FOXP2: variants seen among roughly 807,000 people sequenced by gnomAD.
FOXP2 encodes forkhead box protein P2.
A neutral mutation model predicts 115.8 loss-of-function variants in FOXP2; 12 were observed. The observed-to-expected ratio is 0.10, with a 90% CI of 0.07 to 0.17. FOXP2 has a LOEUF of 0.17. FOXP2 is among the 10% of genes least tolerant of loss of function. The probability of loss-of-function intolerance (pLI) is 1.00; values close to 1 mark genes in which losing one functional copy is unlikely to be tolerated. For synonymous variants in FOXP2, 328 were observed against 297.7 expected (o/e 1.10, Z -1.05); for missense variants, 629 against 843.5 (o/e 0.75, Z 3.15).
chr7:114,297,183 C>T lies in FOXP2; in HGVS notation c.-11+9074C>T, dbSNP rs752970246. On this transcript the variant is annotated intron_variant, in intron 2 of 17. Transcript: ENST00000634411. ...CTCAGCTCCTCCTGCTTCCTCTTGG[C>T]GTGGATGTGTCCCCACCCTTTTCTC... The T allele has an allele frequency of 2.7e-4, 132 of 494,476 alleles. 1 individual carries two copies. The highest frequency in any genetic ancestry group is 5.0e-4 in the Middle Eastern group (1 of 1,982). 30.6% of individuals were successfully genotyped at this position (494,476 alleles called of 1,614,324 possible). A position where few individuals can be genotyped will look rare whatever the true frequency, so the allele number is the denominator to read the frequency against.
intron 1 of FOXP2, among the ~76,000 whole-genome samples, chr7:114,116,323 G>A (rs370229694): frequency 2.0e-5 from 3 of 152,116 alleles, no homozygotes; most frequent in African/African-American, 4.8e-5. Context: ...TAAGAAAACT[G>A]CCATAATTTC....
intron 1 of FOXP2, among the ~76,000 whole-genome samples, chr7:114,237,723 C>G (rs891658565): frequency 6.6e-6 from 1 of 151,862 alleles, no homozygotes; most frequent in African/African-American, 2.4e-5. Flanking sequence ...CCTCTAATCT[C>G]AGCACTTTGG....
chr7:114,408,963 A>G (rs951260507), intron 2 of FOXP2, among the ~76,000 whole-genome samples: 2 of 152,016 alleles, frequency 1.3e-5, no homozygotes, highest in South Asian at 2.1e-4. Flanking sequence ...CTGTAATTCT[A>G]TAGAGTTCTA....
intron 2 of FOXP2, among the ~76,000 whole-genome samples, chr7:114,397,353 G>A (rs1238879460): frequency 6.6e-6 from 1 of 152,064 alleles, no homozygotes; most frequent in Non-Finnish European, 1.5e-5. Context: ...AGACAGATAT[G>A]TTTCCTGTTT....
intron 2 of FOXP2, among the ~76,000 whole-genome samples, chr7:114,525,478 G>A (rs908608032): frequency 2.0e-5 from 3 of 152,188 alleles, no homozygotes; most frequent in African/African-American, 4.8e-5. Flanking sequence ...ATCAGTGTAT[G>A]TGGAAGCACA....
rs867487677 is a variant in FOXP2 at position 114,503,552 on chromosome 7, A to G, written c.169-31065A>G. On this transcript the variant is annotated intron_variant, in intron 2 of 16. Coordinates refer to ENST00000350908, the MANE Select transcript of FOXP2 (RefSeq NM_014491.4). ...TATCAACATCAAGGATACATTTATT[A>G]TATCTAATTTTATATTTCATTCTTG... is the stretch of plus-strand genomic sequence containing the variant. 5.3e-5 allele frequency among the ~76,000 whole-genome samples: 8 copies of G among 151,212 alleles called. No homozygotes were observed. In the Middle Eastern group the frequency reaches 0.014, roughly 257 times the overall value.
chr7:114,101,980 A>G (rs1790980155), intron 1 of FOXP2, among the ~76,000 whole-genome samples: 1 of 149,264 alleles, frequency 6.7e-6, no homozygotes, highest in Non-Finnish European at 1.5e-5. Context: ...GTTTCATCTC[A>G]GTTATCTGAT....
chr7:114,256,106 CT>C (rs373197185), intron 1 of FOXP2, among the ~76,000 whole-genome samples: 1 of 151,168 alleles, frequency 6.6e-6, no homozygotes, highest in Non-Finnish European at 1.5e-5. Flanking sequence ...GAGATAGTGT[CT>C]TTTTTTTTGT....
intron 3 of FOXP2, among the ~76,000 whole-genome samples, chr7:114,543,784 C>T (rs1799795718): frequency 6.6e-6 from 1 of 152,170 alleles, no homozygotes; most frequent in South Asian, 2.1e-4. Flanking sequence ...TCCATAACAT[C>T]TGTGAATTTT....
chr7:114,645,131 TA>T (rs1805810634), intron 8 of FOXP2: 1 of 3,594 alleles, frequency 2.8e-4, no homozygotes, highest in Non-Finnish European at 5.3e-4. Context: ...GTCATCCTAA[TA>T]TATATATATA....
chr7:114,231,176 T>C (rs1191313383), intron 1 of FOXP2, among the ~76,000 whole-genome samples: 1 of 151,996 alleles, frequency 6.6e-6, no homozygotes, highest in East Asian at 1.9e-4. Context: ...ATCAATAAAC[T>C]TAACCAAAAG....
At chr7:114,485,632 C>A (rs1165945137) in intron 2 of FOXP2, among the ~76,000 whole-genome samples, 6 of 151,844 alleles carry the variant, frequency 4.0e-5, no homozygotes, top group Admixed American at 3.3e-4. Flanking sequence ...AATAATCATG[C>A]TAATAACAAT....
chr7:114,160,953 A>G (rs1171375941), upstream of FOXP2, among the ~76,000 whole-genome samples: 1 of 152,174 alleles, frequency 6.6e-6, no homozygotes, highest in Non-Finnish European at 1.5e-5. Context: ...TAATTAGCAT[A>G]CGTATTGTTC....
At chr7:114,518,534 T>C (rs1798456482) in intron 2 of FOXP2, among the ~76,000 whole-genome samples, 1 of 151,038 alleles carries the variant, frequency 6.6e-6, no homozygotes, top group Non-Finnish European at 1.5e-5. Flanking sequence ...TGAGATGGAG[T>C]CTCTGTTGCC....
chr7:114,438,931 G>T (rs1434377675), intron 2 of FOXP2, among the ~76,000 whole-genome samples: 1 of 152,124 alleles, frequency 6.6e-6, no homozygotes, highest in Non-Finnish European at 1.5e-5. Flanking sequence ...CACAGAAGTA[G>T]ATGTTAATGT....
intron 2 of FOXP2, among the ~76,000 whole-genome samples, chr7:114,343,366 G>A (rs1469321994): frequency 6.6e-6 from 1 of 151,484 alleles, no homozygotes; most frequent in Non-Finnish European, 1.5e-5. Context: ...GTTTTTACTG[G>A]CTACATTGCT....
chr7:114,607,515 G>A (rs1275283918), intron 3 of FOXP2, among the ~76,000 whole-genome samples: 4 of 152,160 alleles, frequency 2.6e-5, no homozygotes, highest in East Asian at 1.9e-4. Context: ...AGATAAAAAT[G>A]TGATAAAATA....
chr7:114,426,379 C>T, intron 1 of FOXP2, 123 bp from the exon 2 acceptor site: 1 of 856,086 alleles, frequency 1.2e-6, no homozygotes, highest in Non-Finnish European at 1.9e-6. Context: ...AATGACTATT[C>T]AAGGCTTTTT....
intron 1 of FOXP2, among the ~76,000 whole-genome samples, chr7:114,089,005 T>G (rs1398136647): frequency 6.6e-6 from 1 of 152,186 alleles, no homozygotes; most frequent in Non-Finnish European, 1.5e-5. Context: ...CTGTGATCAT[T>G]AGGGCCAAAC....
Sources: gnomAD v4.1 joint callset for allele counts (sites outside exome capture counted in the v4.1 genomes callset) on GRCh38, gnomAD v4.1.1 for gene constraint, MANE v1.5 for transcripts, NCBI Gene and HGNC (gene_info 2026-07-23, HGNC 2026-07-21) for gene names.